Variants in PRTG observed in about 807,000 individuals in gnomAD.
PRTG encodes the protein immunoglobulin superfamily, DCC subclass, member 5.
Under a neutral mutation model 122.5 loss-of-function variants are expected in PRTG, and 67 were observed. That is an observed-to-expected ratio of 0.55 (90% CI 0.45 to 0.67). PRTG has a LOEUF of 0.67. PRTG is among the 30% of genes least tolerant of loss of function. The probability of loss-of-function intolerance (pLI) is 0.00; values close to 1 mark genes in which losing one functional copy is unlikely to be tolerated. For synonymous variants in PRTG, 554 were observed against 501.1 expected, an observed-to-expected ratio of 1.11 and a Z score of -1.41; for missense variants, 1,435 against 1,415.4, an observed-to-expected ratio of 1.01 and a Z score of -0.22.
In PRTG at chr15:55,618,340, C is replaced by T. The variant is rs1177478359; in HGVS notation, c.*1672G>A. The T allele has an allele frequency of 2.0e-5, 3 of 152,236 alleles. No individual in the cohort carries two copies. Among genetic ancestry groups the T allele is most frequent in the African/African-American group, 7.2e-5 (3 of 41,446 alleles). The allele number at this position is 152,236 out of a possible 1,614,324, so 9.4% of individuals were successfully genotyped here. A position where few individuals can be genotyped will look rare whatever the true frequency, so the allele number is the denominator to read the frequency against. Reference sequence around the variant, plus strand: ...AGAACATCAGTGAACATGACCCTGCCTCCTCTAGGAACAAAGCATTTCAAG... The same window carrying T: ...AGAACATCAGTGAACATGACCCTGCTTCCTCTAGGAACAAAGCATTTCAAG... On this transcript the variant is annotated 3_prime_UTR_variant, in exon 20 of 20. Coordinates refer to ENST00000389286, the MANE Select transcript of PRTG (RefSeq NM_173814.6).
At chr15:55,729,626 T>C (rs1465376478) in intron 2 of PRTG, among the ~76,000 whole-genome samples, 1 of 151,844 alleles carries the variant, frequency 6.6e-6, no homozygotes, top group African/African-American at 2.4e-5. Flanking sequence ...TAAATATATA[T>C]ATGTATATCT....
chr15:55,736,453 T>C (rs1262866767), intron 2 of PRTG, among the ~76,000 whole-genome samples: 1 of 152,112 alleles, frequency 6.6e-6, no homozygotes, highest in Non-Finnish European at 1.5e-5. Flanking sequence ...AGACTTGGTA[T>C]TATAATTTAT....
chr15:55,669,271 G>A (rs1430360828), intron 11 of PRTG, among the ~76,000 whole-genome samples: 1 of 152,152 alleles, frequency 6.6e-6, no homozygotes, highest in Non-Finnish European at 1.5e-5. Flanking sequence ...TCAGCAAACA[G>A]AAGCATTTAA....
rs1202883062 is a variant in PRTG, at chr15:55,644,109, GA to G, written c.2042-2902del. Reference sequence around the variant, plus strand: ...CTACCTTGGCCTCACAAAGTGCTGGGATTACAGGTGTGAGCCAGCACGCCCA... The same window carrying G: ...CTACCTTGGCCTCACAAAGTGCTGGGTTACAGGTGTGAGCCAGCACGCCCA... On this transcript the variant is annotated intron_variant, in intron 11 of 19. Transcript: ENST00000389286. Among the ~76,000 whole-genome samples the G allele has an allele frequency of 5.3e-5, 8 of 152,250 alleles. No individual in the cohort carries two copies. The East Asian group carries it at 1.5e-3, about 29-fold the overall frequency.
At chr15:55,722,186 T>C (rs1463902565) in intron 2 of PRTG, among the ~76,000 whole-genome samples, 1 of 152,214 alleles carries the variant, frequency 6.6e-6, no homozygotes, top group African/African-American at 2.4e-5. Context: ...CCTTACACTT[T>C]TCTGTAGATC....
chr15:55,680,974 T>C (rs1340063797), intron 4 of PRTG, among the ~76,000 whole-genome samples: 1 of 152,162 alleles, frequency 6.6e-6, no homozygotes, highest in Non-Finnish European at 1.5e-5. Flanking sequence ...TTCTAGACAT[T>C]TCATATAAAT....
At chr15:55,629,089 A>T in intron 15 of PRTG, 85 bp from the exon 16 acceptor site, 1 of 859,906 alleles carries the variant, frequency 1.2e-6, no homozygotes, top group African/African-American at 1.7e-5. Context: ...CTTTATTTTT[A>T]AAAATATTTT....
In PRTG at chr15:55,743,144, G is replaced by C. The variant is rs943582675; in HGVS notation, c.-213C>G. ...GCAAGGGGCCTGAGAGTCCGGCTGG[G>C]GGCGGAGTGAGGCGGCGGCTGCAGA... On this transcript the variant is annotated 5_prime_UTR_variant, in exon 1 of 20. Coordinates refer to ENST00000389286, the MANE Select transcript of PRTG (RefSeq NM_173814.6). 2 of 1,246,820 alleles carry C rather than the reference G, an allele frequency of 1.6e-6. No individual in the cohort carries two copies. Among genetic ancestry groups the C allele is most frequent in the African/African-American group, 1.6e-5 (1 of 63,620 alleles). The allele number at this position is 1,246,820 out of a possible 1,614,324, so 77.2% of individuals were successfully genotyped here. A position where few individuals can be genotyped will look rare whatever the true frequency, so the allele number is the denominator to read the frequency against.
At chr15:55,703,368 T>C (rs543306429) in intron 2 of PRTG, among the ~76,000 whole-genome samples, 3 of 152,196 alleles carry the variant, frequency 2.0e-5, no homozygotes, top group Non-Finnish European at 4.4e-5. Flanking sequence ...GCTCTTCAGC[T>C]ACCCCTTGGC....
Position 55,624,305 on chromosome 15 carries a change from A to C in PRTG, c.3093+37T>G, listed in dbSNP as rs562969409. The C allele has an allele frequency of 3.1e-6, 5 of 1,598,292 alleles. No homozygotes were observed. In the Admixed American group the frequency reaches 5.1e-5, roughly 16 times the overall value. On this transcript the variant is annotated intron_variant, in intron 18 of 19. Coordinates refer to ENST00000389286, the MANE Select transcript of PRTG (RefSeq NM_173814.6). ...TTACACACACAGGGAGGAGGAATGG[A>C]AGAACGGCTTATGCAGCAAATCCCG...
intron 11 of PRTG, among the ~76,000 whole-genome samples, chr15:55,642,414 C>A (rs1444852409): frequency 6.6e-6 from 1 of 151,646 alleles, no homozygotes. Flanking sequence ...GTCGGGAGTT[C>A]GAGATGAGCC....
chr15:55,679,617 C>T (rs1202457937), intron 6 of PRTG, 172 bp from the exon 7 acceptor site: 3 of 541,180 alleles, frequency 5.5e-6, no homozygotes, highest in East Asian at 3.0e-5. Flanking sequence ...CGGCATTGCT[C>T]AGTGTTCACT....
At chr15:55,638,980 T>TCATC (rs1358573009) in intron 13 of PRTG, among the ~76,000 whole-genome samples, 1 of 151,202 alleles carries the variant, frequency 6.6e-6, no homozygotes, top group Non-Finnish European at 1.5e-5. Flanking sequence ...ATTCATTCAT[T>TCATC]CATTCATTCA....
At chr15:55,729,792 T>C (rs906111333) in intron 2 of PRTG, among the ~76,000 whole-genome samples, 3 of 152,150 alleles carry the variant, frequency 2.0e-5, no homozygotes, top group Non-Finnish European at 4.4e-5. Flanking sequence ...TCTCACTCCA[T>C]TGGTGGTTCT....
intron 2 of PRTG, among the ~76,000 whole-genome samples, chr15:55,714,801 C>T (rs1425265148): frequency 6.6e-6 from 1 of 152,078 alleles, no homozygotes; most frequent in African/African-American, 2.4e-5. Context: ...CTTAAATAAA[C>T]ATAGCTTGAT....
In PRTG at chr15:55,672,603, G is replaced by A. The variant is rs769040529; in HGVS notation, c.1883C>T (p.Pro628Leu). 10 of 1,613,676 alleles carry A rather than the reference G, an allele frequency of 6.2e-6. No individual in the cohort carries two copies. Among genetic ancestry groups the A allele is most frequent in the Non-Finnish European group, 8.5e-6 (10 of 1,179,968 alleles). The part of the protein sequence containing the change: ...APKSPELHLE[P>L]LNCTTISVRW... Reference sequence around the variant, plus strand: ...CACAGAAATGGTGGTACAGTTCAGAGGCTCCAAATGCAACTCTGGAGACTT... The same window carrying A: ...CACAGAAATGGTGGTACAGTTCAGAAGCTCCAAATGCAACTCTGGAGACTT... The change falls in exon 11 of 20, where the codon CCT becomes CTT. Residue 628 changes from proline to leucine, a missense_variant. Coordinates refer to ENST00000389286, the MANE Select transcript of PRTG (RefSeq NM_173814.6).
intron 2 of PRTG, among the ~76,000 whole-genome samples, chr15:55,695,491 C>G (rs1344771058): frequency 6.6e-6 from 1 of 152,100 alleles, no homozygotes; most frequent in African/African-American, 2.4e-5. Flanking sequence ...AACGGTGGTC[C>G]TAACACTGCA....
At position 55,695,018 on chromosome 15, in the gene PRTG, T is replaced by C. The variant is rs534772666; in HGVS notation, c.398-11087A>G. Among the ~76,000 whole-genome samples, 9 of 152,310 alleles carry C rather than the reference T, an allele frequency of 5.9e-5. No homozygotes were observed. In the South Asian group the frequency reaches 1.9e-3, roughly 32 times the overall value. On this transcript the variant is annotated intron_variant, in intron 2 of 19. Coordinates refer to ENST00000389286, the MANE Select transcript of PRTG (RefSeq NM_173814.6). Reference sequence around the variant, plus strand: ...ACAAGGTCTTGAGAAACATGCGCTGTCCTCAAAAACAACCTTGCAAACACA... The same window carrying C: ...ACAAGGTCTTGAGAAACATGCGCTGCCCTCAAAAACAACCTTGCAAACACA...
chr15:55,740,736 G>T, intron 1 of PRTG, 52 bp from the exon 2 acceptor site: 2 of 1,470,406 alleles, frequency 1.4e-6, no homozygotes, highest in South Asian at 1.3e-5. Context: ...GGCATAAAAT[G>T]ATTCCTTAAC....
Sources: gnomAD v4.1 joint callset for allele counts (sites outside exome capture counted in the v4.1 genomes callset) on GRCh38, gnomAD v4.1.1 for gene constraint, MANE v1.5 for transcripts, NCBI Gene and HGNC (gene_info 2026-07-23, HGNC 2026-07-21) for gene names.